The following NTM variants were observed in gnomAD, a reference collection of about 807,000 sequenced individuals.
The protein encoded by NTM is IgLON family member 2.
A neutral mutation model predicts 42.1 loss-of-function variants in NTM; 13 were observed. That is an observed-to-expected ratio of 0.31 (90% CI 0.20 to 0.49). The LOEUF (loss-of-function observed/expected upper bound fraction) is 0.49, where lower values mean the gene tolerates loss of function less well. Among genes scored for constraint, NTM ranks in the 20% least tolerant of loss-of-function variants. The probability of loss-of-function intolerance (pLI) is 0.99; values close to 1 mark genes in which losing one functional copy is unlikely to be tolerated. For missense variants in NTM, 373 were observed against 452.8 expected, an observed-to-expected ratio of 0.82 and a Z score of 1.60; for synonymous variants, 187 against 179.2, an observed-to-expected ratio of 1.04 and a Z score of -0.35.
At chr11:131,621,175 T>C (rs1043186494) in intron 1 of NTM, among the ~76,000 whole-genome samples, 1 of 152,206 alleles carries the variant, frequency 6.6e-6, no homozygotes, top group African/African-American at 2.4e-5. Context: ...TAGTAAATGG[T>C]GGCCCAGGTA....
At chr11:132,209,185 C>A (rs1162522044) in intron 3 of NTM, among the ~76,000 whole-genome samples, 1 of 152,222 alleles carries the variant, frequency 6.6e-6, no homozygotes, top group African/African-American at 2.4e-5. Flanking sequence ...TTCAGGCAGT[C>A]AGCAAATCAA....
At chr11:132,177,180 C>T (rs976291642) in intron 3 of NTM, among the ~76,000 whole-genome samples, 2 of 152,180 alleles carry the variant, frequency 1.3e-5, no homozygotes, top group Non-Finnish European at 2.9e-5. Flanking sequence ...TGACATTTTG[C>T]TGCCAAAAAG....
intron 1 of NTM, among the ~76,000 whole-genome samples, chr11:131,854,678 A>T (rs538687684): frequency 6.6e-6 from 1 of 152,212 alleles, no homozygotes; most frequent in Non-Finnish European, 1.5e-5. Context: ...CACGATAAGG[A>T]GTTTGGATTT....
Position 131,929,026 on chromosome 11 carries a change from C to T in NTM, c.167+17378C>T, listed in dbSNP as rs1451142950. Reference sequence around the variant, plus strand: ...TTTCTTCAGGAAAGAAAGTGTTCCACATCTGCTGAGTGCCTAACACCGTTC... The same window carrying T: ...TTTCTTCAGGAAAGAAAGTGTTCCATATCTGCTGAGTGCCTAACACCGTTC... On this transcript the variant is annotated intron_variant, in intron 2 of 8. Coordinates refer to ENST00000683400, the MANE Select transcript of NTM (RefSeq NM_001352005.2). Among the ~76,000 whole-genome samples the T allele has an allele frequency of 2.6e-5, 4 of 152,264 alleles. No individual in the cohort carries two copies. The South Asian group carries it at 8.3e-4, about 31-fold the overall frequency.
intron 1 of NTM, among the ~76,000 whole-genome samples, chr11:131,778,846 G>T (rs1024280580): frequency 1.3e-5 from 2 of 152,176 alleles, no homozygotes; most frequent in African/African-American, 4.8e-5. Context: ...CTTGATCTTT[G>T]AGTGAAGGCC....
chr11:131,557,794 C>T (rs1411797787), intron 1 of NTM, among the ~76,000 whole-genome samples: 1 of 151,970 alleles, frequency 6.6e-6, no homozygotes, highest in Non-Finnish European at 1.5e-5. Context: ...AGTGGTCTGT[C>T]ATGGCTGTAT....
chr11:132,240,067 G>A (rs3099795), intron 4 of NTM, among the ~76,000 whole-genome samples: 17 of 91,030 alleles, frequency 1.9e-4, no homozygotes, highest in Admixed American at 3.7e-4. Context: ...CCCTCCATCC[G>A]TCCATCCATC....
chr11:131,501,660 C>T (rs1283322697), intron 1 of NTM, among the ~76,000 whole-genome samples: 1 of 152,156 alleles, frequency 6.6e-6, no homozygotes, highest in East Asian at 1.9e-4. Flanking sequence ...GCAAAGGGGG[C>T]TGTTGCAGTG....
At chr11:131,879,375 T>G (rs752219923) in intron 1 of NTM, among the ~76,000 whole-genome samples, 2 of 152,136 alleles carry the variant, frequency 1.3e-5, no homozygotes, top group Non-Finnish European at 2.9e-5. Flanking sequence ...GACTGCCAGA[T>G]TTTTCCACTG....
intron 1 of NTM, among the ~76,000 whole-genome samples, chr11:131,471,307 G>A (rs757390770): frequency 1.7e-4 from 26 of 152,228 alleles, no homozygotes; most frequent in East Asian, 5.8e-4. Context: ...TAATCCAATC[G>A]CTCATTCAAC....
chr11:132,016,171 G>C (rs1436132363), intron 2 of NTM, among the ~76,000 whole-genome samples: 1 of 151,374 alleles, frequency 6.6e-6, no homozygotes, highest in Non-Finnish European at 1.5e-5. Context: ...ATGATCATAT[G>C]GTTTTTGTTC....
At chr11:132,270,674 G>A (rs1410237714) in intron 4 of NTM, among the ~76,000 whole-genome samples, 1 of 149,806 alleles carries the variant, frequency 6.7e-6, no homozygotes, top group Non-Finnish European at 1.5e-5. Context: ...TACTTTTTTG[G>A]GGGGTAATAG....
chr11:132,022,486 T>C (rs1451173460), intron 2 of NTM, among the ~76,000 whole-genome samples: 1 of 152,216 alleles, frequency 6.6e-6, no homozygotes, highest in Non-Finnish European at 1.5e-5. Context: ...AAGTACACTC[T>C]TAGTCCCACG....
At chr11:131,644,711 A>G (rs1033934098) in intron 1 of NTM, among the ~76,000 whole-genome samples, 1 of 152,136 alleles carries the variant, frequency 6.6e-6, no homozygotes, top group African/African-American at 2.4e-5. Context: ...CCTTCCCTAA[A>G]TATTTTATCA....
intron 2 of NTM, among the ~76,000 whole-genome samples, chr11:131,965,406 C>G (rs991434691): frequency 6.6e-6 from 1 of 152,176 alleles, no homozygotes; most frequent in African/African-American, 2.4e-5. Context: ...GGAATGCAGT[C>G]ACTGCTGGGC....
In NTM at chr11:132,028,314, C is replaced by G. The variant is rs79861800; in HGVS notation, c.167+116666C>G. ...TATCTTTAAAGCCAGACATGATATA[C>G]TGGGGTAAAAGAAACTGGAGTAAAT... On this transcript the variant is annotated intron_variant, in intron 2 of 8. Coordinates refer to ENST00000683400, the MANE Select transcript of NTM (RefSeq NM_001352005.2). Among the ~76,000 whole-genome samples, 2,038 of 148,048 alleles carry G rather than the reference C, an allele frequency of 0.014. 208 individuals carry two copies. The East Asian group carries it at 0.28, about 20-fold the overall frequency.
At chr11:131,979,450 C>G (rs554812501) in intron 2 of NTM, among the ~76,000 whole-genome samples, 160 of 152,296 alleles carry the variant, frequency 1.1e-3, no homozygotes, top group Non-Finnish European at 2.0e-3. Flanking sequence ...ATTTAAGATG[C>G]TTTGCTATGT....
At chr11:132,153,405 T>TAAA (rs1185555478) in intron 3 of NTM, among the ~76,000 whole-genome samples, 4 of 152,214 alleles carry the variant, frequency 2.6e-5, no homozygotes, top group African/African-American at 9.7e-5. Flanking sequence ...AAGGGTTGGA[T>TAAA]GAGGTCTCTT....
intron 1 of NTM, among the ~76,000 whole-genome samples, chr11:131,723,711 A>G (rs1244805782): frequency 6.6e-6 from 1 of 152,110 alleles, no homozygotes; most frequent in African/African-American, 2.4e-5. Flanking sequence ...ATATAACTAG[A>G]TAGTTTGCTT....
Sources: allele counts gnomAD v4.1 joint callset (sites outside exome capture counted in the v4.1 genomes callset), GRCh38; gene constraint gnomAD v4.1.1; transcripts MANE v1.5; gene names NCBI Gene and HGNC (gene_info 2026-07-23, HGNC 2026-07-21).